ANK2: variants seen among roughly 807,000 people sequenced by gnomAD.
The protein encoded by ANK2 is ankyrin 2, also known as ankyrin-2.
A neutral mutation model predicts 360.5 loss-of-function variants in ANK2; 83 were observed. That is an observed-to-expected ratio of 0.23 (90% confidence interval 0.19 to 0.28). The LOEUF is 0.28. Ranked by LOEUF, ANK2 falls within the 10% of genes least tolerant of loss-of-function variation. The probability of loss-of-function intolerance (pLI) is 1.00; values close to 1 mark genes in which losing one functional copy is unlikely to be tolerated. For synonymous variants in ANK2, 1,740 were observed against 1,759.5 expected (o/e 0.99, Z 0.28); for missense variants, 4,201 against 4,795.7 (o/e 0.88, Z 3.66).
At chr4:112,990,009 G>A (rs2154277885) in intron 2 of ANK2, among the ~76,000 whole-genome samples, 1 of 152,298 alleles carries the variant, frequency 6.6e-6, no homozygotes, top group African/African-American at 2.4e-5. Context: ...AGTGACTTAT[G>A]CCTGTAATCC....
intron 1 of ANK2, among the ~76,000 whole-genome samples, chr4:112,861,407 A>C (rs1475754441): frequency 6.6e-6 from 1 of 152,142 alleles, no homozygotes; most frequent in African/African-American, 2.4e-5. Context: ...TTCCGTTGAG[A>C]CTCAAACTAA....
the ANK2 span, among the ~76,000 whole-genome samples, chr4:112,761,965 G>A: frequency 2.0e-5 from 3 of 152,232 alleles, no homozygotes; most frequent in African/African-American, 7.2e-5. Context: ...ATACAGAGAA[G>A]CACAGAGGAA....
At chr4:112,910,938 A>ACTTTTGT (rs1048019186) in intron 2 of ANK2, among the ~76,000 whole-genome samples, 3 of 147,198 alleles carry the variant, frequency 2.0e-5, no homozygotes, top group Admixed American at 2.0e-4. Flanking sequence ...TAATTTGAAG[A>ACTTTTGT]CTTTTGTTTA....
intron 1 of ANK2, among the ~76,000 whole-genome samples, chr4:112,883,018 C>CTTTTTTTT (rs536262490): frequency 2.0e-4 from 6 of 30,526 alleles, no homozygotes; most frequent in African/African-American, 4.2e-4. Flanking sequence ...CTTGGTTAGT[C>CTTTTTTTT]TTTTTTTTTT....
chr4:113,164,094 A>G (rs922480904), intron 1 of ANK2, among the ~76,000 whole-genome samples: 55 of 152,082 alleles, frequency 3.6e-4, no homozygotes, highest in African/African-American at 1.3e-3. Context: ...ATAAGCTTAA[A>G]TAACAGTTTA....
At chr4:112,802,351 A>G in the ANK2 span, among the ~76,000 whole-genome samples, 5 of 152,224 alleles carry the variant, frequency 3.3e-5, no homozygotes, top group African/African-American at 7.2e-5. Flanking sequence ...TCCAAAAAGT[A>G]CAAAAGGAAG....
chr4:113,288,607 T>C lies in ANK2; in HGVS notation c.2277+121T>C, dbSNP rs29355. 95,125 of 814,542 alleles carry C rather than the reference T, an allele frequency of 0.12. 5,703 individuals carry two copies. Among genetic ancestry groups the C allele is most frequent in the African/African-American group, 0.13 (7,451 of 58,048 alleles). The allele number at this position is 814,542 out of a possible 1,614,324, so 50.5% of individuals were successfully genotyped here. ...TCTTCCTTTTTAGTTCTAAAGTGATTTTGACGAGGTGATGTAGTTTTGTAA... is the reference window on the plus strand; with the variant it reads ...TCTTCCTTTTTAGTTCTAAAGTGATCTTGACGAGGTGATGTAGTTTTGTAA... On this transcript the variant is annotated intron_variant, in intron 20 of 45. Coordinates refer to ENST00000357077, the MANE Select transcript of ANK2 (RefSeq NM_001148.6).
At position 113,345,932 on chromosome 4, in the gene ANK2, A is replaced by G. The variant is rs765670210; in HGVS notation, c.4281A>G (p.Arg1427=). 6.2e-7 allele frequency: 1 copy of G among 1,613,704 alleles called. No homozygotes were observed. Among genetic ancestry groups the G allele is most frequent in the Non-Finnish European group, 8.5e-7 (1 of 1,179,658 alleles). The change falls in exon 35 of 46, where the codon CGA becomes CGG. Residue 1427 remains arginine, a synonymous_variant. Transcript: ENST00000357077. ...ATACGACTCAGGAACCTTGCGGACG[A>G]CTATCATTTATGAAGGAGCCAAAAT... ...VRDTTQEPCG[R]LSFMKEPKST...
At chr4:112,900,334 G>A (rs1296156493) in intron 1 of ANK2, among the ~76,000 whole-genome samples, 2 of 151,954 alleles carry the variant, frequency 1.3e-5, no homozygotes, top group Admixed American at 1.3e-4. Flanking sequence ...CTCCCTGATT[G>A]TCTCCTATCT....
At chr4:112,884,534 A>G (rs1439226137) in intron 1 of ANK2, among the ~76,000 whole-genome samples, 1 of 152,030 alleles carries the variant, frequency 6.6e-6, no homozygotes, top group Non-Finnish European at 1.5e-5. Flanking sequence ...TATAAAATCC[A>G]TTCTTAGCTC....
chr4:113,205,568 A>G (rs1264447937), intron 4 of ANK2, among the ~76,000 whole-genome samples: 2 of 152,136 alleles, frequency 1.3e-5, no homozygotes, highest in Admixed American at 1.3e-4. Flanking sequence ...TTTCCTATTT[A>G]TAACTCAAGG....
intron 5 of ANK2, 129 bp downstream of exon 5, chr4:113,232,388 G>A (rs886828621): frequency 3.7e-5 from 27 of 733,312 alleles, no homozygotes; most frequent in South Asian, 2.4e-4. Flanking sequence ...TATTATAATC[G>A]CAACAGTGGC....
chr4:113,367,067 T>C (rs572727353), intron 41 of ANK2, among the ~76,000 whole-genome samples: 3 of 152,356 alleles, frequency 2.0e-5, no homozygotes, highest in African/African-American at 4.8e-5. Context: ...ACTATCCTTA[T>C]AGTGTTAGAG....
intron 35 of ANK2, chr4:113,348,030 G>T: frequency 1.9e-6 from 1 of 528,442 alleles, no homozygotes; most frequent in African/African-American, 1.9e-5. Flanking sequence ...CCTAGTATCT[G>T]GAATTAGTAT....
intron 1 of ANK2, among the ~76,000 whole-genome samples, chr4:112,833,936 T>A (rs1220593473): frequency 6.6e-6 from 1 of 152,266 alleles, no homozygotes; most frequent in African/African-American, 2.4e-5. Flanking sequence ...TAATTCCATG[T>A]GTGCCTTCCG....
chr4:113,039,486 GC>G (rs1424707215), intron 2 of ANK2, among the ~76,000 whole-genome samples: 1 of 151,916 alleles, frequency 6.6e-6, no homozygotes, highest in Non-Finnish European at 1.5e-5. Flanking sequence ...TACTTGTAAT[GC>G]CTGAAACATC....
chr4:113,235,650 A>G (rs140744488), intron 5 of ANK2, among the ~76,000 whole-genome samples: 1 of 152,034 alleles, frequency 6.6e-6, no homozygotes, highest in Non-Finnish European at 1.5e-5. Flanking sequence ...GGCCAGGCTC[A>G]TGTCGAACTC....
chr4:112,905,100 A>G (rs2084758722), intron 2 of ANK2, among the ~76,000 whole-genome samples: 1 of 152,180 alleles, frequency 6.6e-6, no homozygotes, highest in Non-Finnish European at 1.5e-5. Context: ...CGCACACATG[A>G]TTTGGGGAAA....
the ANK2 span, among the ~76,000 whole-genome samples, chr4:112,796,759 A>G: frequency 6.6e-6 from 1 of 151,702 alleles, no homozygotes; most frequent in Admixed American, 6.6e-5. Flanking sequence ...AAGCAGTTTC[A>G]TTTCAAAGCT....
Sources: allele counts gnomAD v4.1 joint callset (sites outside exome capture counted in the v4.1 genomes callset), GRCh38; gene constraint gnomAD v4.1.1; transcripts MANE v1.5; gene names NCBI Gene and HGNC (gene_info 2026-07-23, HGNC 2026-07-21).